Variants in CDK14 observed in about 807,000 individuals in gnomAD.
CDK14 encodes the protein cyclin dependent kinase 14.
In CDK14, 34 loss-of-function variants were observed where a neutral mutation model predicts 60.7. The ratio of observed to expected loss-of-function variants is 0.56; its 90% confidence interval spans 0.43 to 0.75. The LOEUF (loss-of-function observed/expected upper bound fraction) is 0.75. Ranked by LOEUF, CDK14 falls within the 30% of genes least tolerant of loss-of-function variation. The pLI, the probability that CDK14 is intolerant of heterozygous loss-of-function variation, is 0.00. For synonymous variants in CDK14, 197 were observed against 203.7 expected (o/e 0.97, Z 0.28); for missense variants, 482 against 564.1 (o/e 0.85, Z 1.47).
intron 1 of CDK14, among the ~76,000 whole-genome samples, chr7:90,603,065 A>AG (rs1799347984): frequency 1.3e-5 from 2 of 151,680 alleles, no homozygotes; most frequent in Non-Finnish European, 2.9e-5. Flanking sequence ...AAGCTTTCCA[A>AG]TAGCTACCCA....
intron 4 of CDK14, among the ~76,000 whole-genome samples, chr7:90,753,508 T>G (rs1400896437): frequency 6.6e-6 from 1 of 152,114 alleles, no homozygotes; most frequent in African/African-American, 2.4e-5. Context: ...GAGCCACCTA[T>G]GACAAACCCA....
intron 10 of CDK14, among the ~76,000 whole-genome samples, chr7:90,994,365 A>G (rs1795620093): frequency 6.6e-6 from 1 of 152,198 alleles, no homozygotes. Flanking sequence ...CAAGAGGACC[A>G]GATGGAAACT....
chr7:91,128,250 T>A (rs1035009290), intron 14 of CDK14, among the ~76,000 whole-genome samples: 1 of 152,212 alleles, frequency 6.6e-6, no homozygotes, highest in African/African-American at 2.4e-5. Flanking sequence ...GTAATGTGAA[T>A]AGGAATCTTA....
chr7:90,653,263 C>T (rs1331117031), intron 2 of CDK14, among the ~76,000 whole-genome samples: 1 of 152,022 alleles, frequency 6.6e-6, no homozygotes, highest in South Asian at 2.1e-4. Flanking sequence ...ACTCCACAAC[C>T]CCCCTCTGTT....
intron 9 of CDK14, among the ~76,000 whole-genome samples, chr7:90,962,331 A>G (rs1794625834): frequency 1.3e-5 from 2 of 152,090 alleles, no homozygotes; most frequent in South Asian, 4.2e-4. Context: ...TACTAAAAAT[A>G]CAAAATTAGC....
intron 1 of CDK14, 63 bp from the exon 2 acceptor site, chr7:90,604,155 C>A: frequency 9.1e-7 from 1 of 1,102,078 alleles, no homozygotes; most frequent in Non-Finnish European, 1.3e-6. Context: ...TTTCTGTTTT[C>A]TATAACTTAG....
chr7:90,993,369 A>C (rs1372362214), intron 10 of CDK14, among the ~76,000 whole-genome samples: 2 of 152,176 alleles, frequency 1.3e-5, no homozygotes, highest in African/African-American at 2.4e-5. Flanking sequence ...AAGTATTTTT[A>C]AAATAATGAA....
intron 10 of CDK14, among the ~76,000 whole-genome samples, chr7:91,028,581 G>A (rs918557562): frequency 6.6e-6 from 1 of 152,040 alleles, no homozygotes; most frequent in South Asian, 2.1e-4. Flanking sequence ...CCCCATTCAC[G>A]CCAACACCTA....
chr7:90,983,249 A>G (rs73227096), intron 9 of CDK14, among the ~76,000 whole-genome samples: 10,787 of 152,258 alleles, frequency 0.071, 468 homozygotes, highest in South Asian at 0.094. Context: ...AAAGATACAC[A>G]TACTCACGTA....
At chr7:90,740,152 C>T (rs1231289399) in intron 3 of CDK14, among the ~76,000 whole-genome samples, 1 of 151,212 alleles carries the variant, frequency 6.6e-6, no homozygotes, top group South Asian at 2.1e-4. Context: ...AAACTTACAC[C>T]CTCTCCTCCC....
chr7:90,604,150 G>A (rs535411036), intron 1 of CDK14, 68 bp from the exon 2 acceptor site: 2 of 1,046,888 alleles, frequency 1.9e-6, no homozygotes, highest in African/African-American at 3.3e-5. Context: ...TTTTTTTTCT[G>A]TTTTCTATAA....
At chr7:90,620,100 A>G (rs1223104943) in intron 2 of CDK14, among the ~76,000 whole-genome samples, 1 of 152,196 alleles carries the variant, frequency 6.6e-6, no homozygotes, top group East Asian at 1.9e-4. Context: ...TCTGTAATAC[A>G]TGTCCTACAA....
At chr7:90,765,622 T>A (rs1804523306) in intron 4 of CDK14, among the ~76,000 whole-genome samples, 1 of 149,132 alleles carries the variant, frequency 6.7e-6, no homozygotes, top group African/African-American at 2.5e-5. Flanking sequence ...TTTTTAAGAA[T>A]GTTAAGGGAC....
intron 4 of CDK14, among the ~76,000 whole-genome samples, chr7:90,764,700 G>A (rs1350409449): frequency 5.3e-5 from 8 of 152,140 alleles, no homozygotes; most frequent in African/African-American, 1.7e-4. Flanking sequence ...GAGCAAATAT[G>A]TTTTCCCTTC....
chr7:90,710,408 A>G, intron 2 of CDK14: 2 of 985,292 alleles, frequency 2.0e-6, no homozygotes, highest in Non-Finnish European at 1.2e-6. Context: ...CCATTTGAGT[A>G]AACTGATGTC....
At chr7:91,163,782 G>A (rs1487884144) in intron 14 of CDK14, among the ~76,000 whole-genome samples, 1 of 152,040 alleles carries the variant, frequency 6.6e-6, no homozygotes, top group Non-Finnish European at 1.5e-5. Context: ...ACTCCCAGCT[G>A]CTGGTAATAT....
intron 1 of CDK14, among the ~76,000 whole-genome samples, chr7:90,598,345 T>C (rs933199527): frequency 2.0e-5 from 3 of 152,352 alleles, no homozygotes; most frequent in African/African-American, 7.2e-5. Flanking sequence ...GGGGGTATTA[T>C]AGTTAATTGG....
At chr7:91,071,480 G>A (rs181914919) in intron 11 of CDK14, among the ~76,000 whole-genome samples, 83 of 152,308 alleles carry the variant, frequency 5.4e-4, no homozygotes, top group African/African-American at 1.9e-3. Context: ...GTGAGTGAGC[G>A]TGCTACCCAG....
intron 5 of CDK14, among the ~76,000 whole-genome samples, chr7:90,807,825 C>A (rs900515695): frequency 6.6e-6 from 1 of 152,096 alleles, no homozygotes; most frequent in Non-Finnish European, 1.5e-5. Flanking sequence ...AATGTACAAG[C>A]CTCAGTAGCC....
Sources: gnomAD v4.1 joint callset for allele counts (sites outside exome capture counted in the v4.1 genomes callset) on GRCh38, gnomAD v4.1.1 for gene constraint, MANE v1.5 for transcripts, NCBI Gene and HGNC (gene_info 2026-07-23, HGNC 2026-07-21) for gene names.